The following ZNF804A variants were observed in gnomAD, a reference collection of about 807,000 sequenced individuals.
ZNF804A encodes the protein zinc finger protein 804A.
ZNF804A carries 2 observed loss-of-function variants against 16.5 expected under a neutral mutation model. That is an observed-to-expected ratio of 0.12 (90% CI 0.05 to 0.38). The LOEUF (loss-of-function observed/expected upper bound fraction) is 0.38. ZNF804A is among the 10% of genes least tolerant of loss of function. The pLI is 0.99. For synonymous variants in ZNF804A, 534 were observed against 489.6 expected (o/e 1.09, Z -1.20); for missense variants, 1,473 against 1,390.7 (o/e 1.06, Z -0.94).
At chr2:184,709,760 C>T (rs1210141147) in intron 1 of ZNF804A, among the ~76,000 whole-genome samples, 2 of 150,358 alleles carry the variant, frequency 1.3e-5, no homozygotes, top group Non-Finnish European at 3.0e-5. Context: ...ACATAAACTT[C>T]CTAGTGTACT....
rs567890605 is a variant in ZNF804A, at chr2:184,624,438, C to T, written c.111+25368C>T. Among the ~76,000 whole-genome samples, 4 of 152,238 alleles carry T rather than the reference C, an allele frequency of 2.6e-5. No individual in the cohort carries two copies. The South Asian group carries it at 6.2e-4, about 24-fold the overall frequency. ...ATTCCAATACTCCCATGTTTATGCACATGCATGTCTGCATGTGAGGGATGT... is the reference window on the plus strand; with the variant it reads ...ATTCCAATACTCCCATGTTTATGCATATGCATGTCTGCATGTGAGGGATGT... On this transcript the variant is annotated intron_variant, in intron 1 of 3. Coordinates refer to ENST00000302277, the MANE Select transcript of ZNF804A (RefSeq NM_194250.2).
At chr2:184,816,249 CTGTT>C (rs929507530) in intron 1 of ZNF804A, among the ~76,000 whole-genome samples, 6 of 152,130 alleles carry the variant, frequency 3.9e-5, no homozygotes, top group South Asian at 2.1e-4. Context: ...CCCCAAGTGA[CTGTT>C]TGATATCTCT....
intron 1 of ZNF804A, among the ~76,000 whole-genome samples, chr2:184,781,519 T>C (rs1694371104): frequency 6.6e-6 from 1 of 151,808 alleles, no homozygotes; most frequent in Non-Finnish European, 1.5e-5. Context: ...TAAGTACTTA[T>C]TCTACTTTAT....
At chr2:184,820,135 T>TA (rs1350915152) in intron 1 of ZNF804A, among the ~76,000 whole-genome samples, 1 of 152,100 alleles carries the variant, frequency 6.6e-6, no homozygotes, top group African/African-American at 2.4e-5. Flanking sequence ...TTTAGGTCAA[T>TA]ATCCCTGATG....
chr2:184,895,541 G>T (rs1420529111), intron 2 of ZNF804A, among the ~76,000 whole-genome samples: 1 of 152,098 alleles, frequency 6.6e-6, no homozygotes, highest in East Asian at 1.9e-4. Context: ...AGCAAGCTGT[G>T]GTCATTCAAA....
chr2:184,844,559 G>T (rs1427976210), intron 1 of ZNF804A, among the ~76,000 whole-genome samples: 11 of 151,162 alleles, frequency 7.3e-5, no homozygotes, highest in African/African-American at 2.7e-4. Context: ...TTTCTGATGA[G>T]AAGTCTATTG....
chr2:184,836,722 C>T (rs998229461), intron 1 of ZNF804A, among the ~76,000 whole-genome samples: 5 of 151,290 alleles, frequency 3.3e-5, no homozygotes, highest in African/African-American at 1.2e-4. Context: ...TAGACTCCCT[C>T]ATCTCTTGCG....
intron 1 of ZNF804A, among the ~76,000 whole-genome samples, chr2:184,678,574 T>G (rs989697933): frequency 2.6e-5 from 4 of 152,132 alleles, no homozygotes; most frequent in Non-Finnish European, 2.9e-5. Flanking sequence ...GGGGACAGAT[T>G]GAAAGAAATG....
At chr2:184,868,339 T>G (rs1190888113) in intron 2 of ZNF804A, among the ~76,000 whole-genome samples, 4 of 152,022 alleles carry the variant, frequency 2.6e-5, no homozygotes, top group African/African-American at 9.7e-5. Flanking sequence ...TAGAGAATGC[T>G]CTCCTTTTTC....
At chr2:184,726,005 G>A (rs912373768) in intron 1 of ZNF804A, among the ~76,000 whole-genome samples, 1 of 151,700 alleles carries the variant, frequency 6.6e-6, no homozygotes, top group South Asian at 2.1e-4. Flanking sequence ...TGGTATGGAT[G>A]CACCACAGTT....
intron 1 of ZNF804A, among the ~76,000 whole-genome samples, chr2:184,769,812 A>T (rs897460958): frequency 6.6e-6 from 1 of 152,042 alleles, no homozygotes. Flanking sequence ...ATTCATCTTA[A>T]CAAGGCTTGG....
intron 1 of ZNF804A, among the ~76,000 whole-genome samples, chr2:184,632,138 T>C (rs1210819215): frequency 6.6e-6 from 1 of 152,122 alleles, no homozygotes; most frequent in Admixed American, 6.6e-5. Context: ...AAGTATATAA[T>C]GATACAGCTT....
At chr2:184,636,618 A>C (rs1009744437) in intron 1 of ZNF804A, among the ~76,000 whole-genome samples, 4 of 151,052 alleles carry the variant, frequency 2.6e-5, no homozygotes, top group Non-Finnish European at 3.0e-5. Flanking sequence ...CCCAGTCATA[A>C]TGAAAAATTG....
At chr2:184,807,574 C>T (rs558124751) in intron 1 of ZNF804A, among the ~76,000 whole-genome samples, 1 of 151,816 alleles carries the variant, frequency 6.6e-6, no homozygotes, top group East Asian at 1.9e-4. Flanking sequence ...TAATTATCTG[C>T]AGTGATGGAA....
intron 1 of ZNF804A, among the ~76,000 whole-genome samples, chr2:184,694,089 C>T (rs12104591): frequency 0.28 from 41,959 of 151,118 alleles, 6,985 homozygotes; most frequent in African/African-American, 0.47. Flanking sequence ...TGACCACATC[C>T]TGCTATTTTT....
chr2:184,905,096 T>C lies in ZNF804A; in HGVS notation c.256-28507T>C, dbSNP rs1010674293. ...ACCCAACACTAGATTAGAGTGTCTG[T>C]GTGTGTGTGTGTGTGTGTCATTATG... is the stretch of plus-strand genomic sequence containing the variant. On this transcript the variant is annotated intron_variant, in intron 2 of 3. Coordinates refer to ENST00000302277, the MANE Select transcript of ZNF804A (RefSeq NM_194250.2). 1.8e-4 allele frequency among the ~76,000 whole-genome samples: 6 copies of C among 34,180 alleles called. No homozygotes were observed. The Admixed American group carries it at 2.0e-3, about 11-fold the overall frequency. 22.4% of individuals were successfully genotyped at this position (34,180 alleles called of 152,430 possible).
intron 1 of ZNF804A, among the ~76,000 whole-genome samples, chr2:184,836,560 T>C (rs1306104497): frequency 6.6e-6 from 1 of 152,094 alleles, no homozygotes; most frequent in African/African-American, 2.4e-5. Flanking sequence ...CATTATTATT[T>C]AAATATAAAT....
intron 1 of ZNF804A, among the ~76,000 whole-genome samples, chr2:184,804,820 GGAA>G (rs941303886): frequency 6.6e-6 from 1 of 152,160 alleles, no homozygotes; most frequent in Non-Finnish European, 1.5e-5. Context: ...TACAGCAACA[GGAA>G]GAAGAAAATC....
At chr2:184,608,040 G>A (rs1394839275) in intron 1 of ZNF804A, among the ~76,000 whole-genome samples, 2 of 130,538 alleles carry the variant, frequency 1.5e-5, no homozygotes, top group Non-Finnish European at 3.1e-5. Flanking sequence ...CCGCCTCCCG[G>A]GTTCACGCCA....
Sources: gnomAD v4.1 joint callset for allele counts (sites outside exome capture counted in the v4.1 genomes callset) on GRCh38, gnomAD v4.1.1 for gene constraint, MANE v1.5 for transcripts, NCBI Gene and HGNC (gene_info 2026-07-23, HGNC 2026-07-21) for gene names.